Variants in DUSP14 observed in about 807,000 individuals in gnomAD.
DUSP14 encodes dual specificity protein phosphatase 14.
DUSP14 carries 5 observed loss-of-function variants against 13.2 expected under a neutral mutation model. The observed-to-expected ratio is 0.38, with a 90% CI of 0.20 to 0.80. DUSP14 has a LOEUF of 0.80. Ranked by LOEUF, DUSP14 falls within the 30% of genes least tolerant of loss-of-function variation. The probability of loss-of-function intolerance (pLI) is 0.44; values close to 1 mark genes in which losing one functional copy is unlikely to be tolerated. For synonymous variants in DUSP14, 91 were observed against 103.4 expected (o/e 0.88, Z 0.73); for missense variants, 185 against 264.0 (o/e 0.70, Z 2.07).
At chr17:37,489,703 G>C (rs913623055), upstream of DUSP14, 3 of 151,708 alleles carry the variant, frequency 2.0e-5, no homozygotes, top group Admixed American at 2.0e-4. Flanking sequence ...GCTAGGGCGC[G>C]CCCGGACCAC....
At chr17:37,509,453 T>C (rs564156558) in intron 1 of DUSP14, among the ~76,000 whole-genome samples, 11 of 150,400 alleles carry the variant, frequency 7.3e-5, no homozygotes, top group Admixed American at 7.3e-4. Flanking sequence ...CCCAAGTAGC[T>C]GGGATTACAG....
chr17:37,489,233 G>A (rs1227649785), upstream of DUSP14, among the ~76,000 whole-genome samples: 2 of 152,168 alleles, frequency 1.3e-5, no homozygotes, highest in Non-Finnish European at 2.9e-5. Flanking sequence ...TCGGGGACTC[G>A]GGAGGTGGGT....
chr17:37,488,793 T>A (rs1390630188), upstream of DUSP14, among the ~76,000 whole-genome samples: 1 of 152,120 alleles, frequency 6.6e-6, no homozygotes, highest in East Asian at 1.9e-4. Context: ...GGGAAGAACA[T>A]GAAAAAGCTT....
chr17:37,494,947 TTATAG>T (rs1597966549), intron 1 of DUSP14, among the ~76,000 whole-genome samples: 1 of 152,190 alleles, frequency 6.6e-6, no homozygotes, highest in African/African-American at 2.4e-5. Context: ...TTTTTGCTCA[TTATAG>T]TAAAGATTTT....
At chr17:37,511,552 AT>A (rs992572702) in intron 2 of DUSP14, among the ~76,000 whole-genome samples, 1 of 142,362 alleles carries the variant, frequency 7.0e-6, no homozygotes, top group African/African-American at 2.6e-5. Context: ...AAGTACTGGG[AT>A]TACAGGCATG....
At chr17:37,498,580 C>A (rs886878264) in intron 1 of DUSP14, among the ~76,000 whole-genome samples, 3 of 151,988 alleles carry the variant, frequency 2.0e-5, no homozygotes, top group African/African-American at 7.2e-5. Context: ...CCTGCCTCGG[C>A]CTCCCAAAGT....
At chr17:37,498,332 T>G (rs2054079921) in intron 1 of DUSP14, among the ~76,000 whole-genome samples, 2 of 129,436 alleles carry the variant, frequency 1.5e-5, no homozygotes, top group Admixed American at 1.5e-4. Flanking sequence ...TTTTTTTTTT[T>G]TTTTTTTTTT....
chr17:37,507,273 C>T (rs2054144153), intron 1 of DUSP14, among the ~76,000 whole-genome samples: 1 of 152,216 alleles, frequency 6.6e-6, no homozygotes, highest in African/African-American at 2.4e-5. Context: ...AAGAGATGGA[C>T]TGGCAGCAGC....
chr17:37,503,573 G>C (rs1233344834), intron 1 of DUSP14, among the ~76,000 whole-genome samples: 2 of 152,236 alleles, frequency 1.3e-5, no homozygotes, highest in African/African-American at 2.4e-5. Context: ...GTGAAAGACT[G>C]TTGTGTAAAT....
intron 1 of DUSP14, among the ~76,000 whole-genome samples, chr17:37,495,203 G>C (rs552133078): frequency 6.6e-6 from 1 of 152,290 alleles, no homozygotes; most frequent in African/African-American, 2.4e-5. Context: ...GCCTCAGCCT[G>C]GGCGAGGGAG....
At chr17:37,511,341 C>T (rs2054183486) in intron 2 of DUSP14, among the ~76,000 whole-genome samples, 1 of 152,076 alleles carries the variant, frequency 6.6e-6, no homozygotes, top group South Asian at 2.1e-4. Context: ...AGTATAGTGG[C>T]ACGATCTCAG....
chr17:37,512,344 A>T lies in DUSP14; in HGVS notation c.72A>T (p.Ile24=). 1.2e-6 allele frequency: 2 copies of T among 1,614,072 alleles called. No homozygotes were observed. The highest frequency in any genetic ancestry group is 1.7e-6 in the Non-Finnish European group (2 of 1,179,974). Residue 24 remains isoleucine (I), a synonymous_variant, in exon 3 of 3, where the codon ATA becomes ATT. Transcript: ENST00000617516. The surrounding 1 kb of genome is among the most constrained non-coding windows in gnomAD (Gnocchi z 4.8). ...CTCGGATGATTTCCGAGGGAGACAT[A>T]GGAGGCATTGCTCAAATCACCTCCT... The part of the protein sequence containing the change: ...MAPRMISEGD[I]GGIAQITSSL...
At chr17:37,511,937 A>G (rs965207242) in intron 2 of DUSP14, among the ~76,000 whole-genome samples, 4 of 16,436 alleles carry the variant, frequency 2.4e-4, no homozygotes, top group Admixed American at 1.6e-3. Context: ...CCCCCACCCC[A>G]CTTTTTTTTT....
chr17:37,495,947 C>T lies in DUSP14; in HGVS notation c.-181+5989C>T, dbSNP rs377153688. Among the ~76,000 whole-genome samples the T allele has an allele frequency of 1.3e-4, 20 of 152,230 alleles. No homozygotes were observed. The East Asian group carries it at 1.5e-3, about 12-fold the overall frequency. On this transcript the variant is annotated intron_variant, in intron 1 of 2. Coordinates refer to ENST00000617516, the MANE Select transcript of DUSP14 (RefSeq NM_007026.4). Reference sequence around the variant, plus strand: ...TGCTGGGATTACAGGCATGAGCCACCGCGCCCAGCCTGCTTTAAGTTTTAA... The same window carrying T: ...TGCTGGGATTACAGGCATGAGCCACTGCGCCCAGCCTGCTTTAAGTTTTAA...
intron 1 of DUSP14, among the ~76,000 whole-genome samples, chr17:37,494,446 A>G (rs2143051622): frequency 6.6e-6 from 1 of 152,300 alleles, no homozygotes; most frequent in African/African-American, 2.4e-5. Context: ...TGCTGGGCTC[A>G]AGGGATCCTC....
chr17:37,496,208 T>C (rs1024413526), intron 1 of DUSP14, among the ~76,000 whole-genome samples: 1 of 152,236 alleles, frequency 6.6e-6, no homozygotes, highest in African/African-American at 2.4e-5. Context: ...TAAAGAGCAC[T>C]GGCAGGCTCA....
intron 1 of DUSP14, among the ~76,000 whole-genome samples, chr17:37,492,400 T>C (rs1167155526): frequency 3.3e-5 from 5 of 152,262 alleles, no homozygotes; most frequent in Non-Finnish European, 7.3e-5. Context: ...AAAGCTTCAC[T>C]TCACCTGGGT....
intron 1 of DUSP14, among the ~76,000 whole-genome samples, chr17:37,507,475 G>C (rs2054145679): frequency 6.6e-6 from 1 of 152,194 alleles, no homozygotes; most frequent in African/African-American, 2.4e-5. Flanking sequence ...TAATTTGGGA[G>C]GATGCATCGC....
At chr17:37,491,512 G>A (rs957942263) in intron 1 of DUSP14, 1 of 152,118 alleles carries the variant, frequency 6.6e-6, no homozygotes, top group African/African-American at 2.4e-5. Flanking sequence ...TGGTATTTTT[G>A]GCTTTCCACC....
Sources: gnomAD v4.1 joint callset for allele counts (sites outside exome capture counted in the v4.1 genomes callset) on GRCh38, gnomAD v4.1.1 for gene constraint, Gnocchi (gnomAD v3.1) non-coding constraint, MANE v1.5 for transcripts, NCBI Gene and HGNC (gene_info 2026-07-23, HGNC 2026-07-21) for gene names.